Variants in MAGI1 observed in about 807,000 individuals in gnomAD.
MAGI1 encodes membrane-associated guanylate kinase, WW and PDZ domain-containing protein 1.
Under a neutral mutation model 139.9 loss-of-function variants are expected in MAGI1, and 58 were observed. The ratio of observed to expected loss-of-function variants is 0.41; its 90% CI spans 0.34 to 0.52. MAGI1 has a LOEUF of 0.52. Among genes scored for constraint, MAGI1 ranks in the 20% least tolerant of loss-of-function variants. The pLI is 0.12. For synonymous variants in MAGI1, 812 were observed against 737.9 expected (o/e 1.10, Z -1.63); for missense variants, 1,874 against 1,901.6 (o/e 0.99, Z 0.27).
At position 65,363,512 on chromosome 3, in the gene MAGI1, G is replaced by C; in HGVS notation, c.3448C>G (p.Leu1150Val). Residue 1150 changes from leucine (L) to valine (V), a missense_variant, in exon 21 of 23, where the codon CTG becomes GTG. Leu to Val is a conservative substitution (Grantham distance 32, BLOSUM62 1). Coordinates refer to ENST00000402939, the MANE Select transcript of MAGI1 (RefSeq NM_001033057.2). ...GREYNMDLYV[L>V]RLAEDGPAER... ...GCAGGACCGTCCTCTGCTAAGCGCA[G>C]AACATAGAGGTCCATGTTATACTCT... 1.2e-6 allele frequency: 2 copies of C among 1,614,036 alleles called. No individual in the cohort carries two copies. Among genetic ancestry groups the C allele is most frequent in the Non-Finnish European group, 1.7e-6 (2 of 1,179,942 alleles).
At position 65,383,638 on chromosome 3, in the gene MAGI1, G is replaced by GA. The variant is rs1559512173; in HGVS notation, c.2417-16dup. The GA allele has an allele frequency of 2.0e-6, 3 of 1,474,466 alleles. No homozygotes were observed. Among genetic ancestry groups the GA allele is most frequent in the Admixed American group, 1.7e-5 (1 of 59,340 alleles). 91.3% of individuals were successfully genotyped at this position (1,474,466 alleles called of 1,614,324 possible). A position where few individuals can be genotyped will look rare whatever the true frequency, so the allele number is the denominator to read the frequency against. The stretch of plus-strand genomic sequence containing the variant: ...GTAATCTGGAACTGCAGAGAGGGGA[G>GA]AAAAAAGAGAAGGATTATTTTACTG... On this transcript the variant is annotated splice_polypyrimidine_tract_variant and intron_variant, in intron 14 of 22. Coordinates refer to ENST00000402939, the MANE Select transcript of MAGI1 (RefSeq NM_001033057.2).
At chr3:65,683,457 T>TA (rs2087734631) in intron 1 of MAGI1, among the ~76,000 whole-genome samples, 1 of 149,970 alleles carries the variant, frequency 6.7e-6, no homozygotes, top group African/African-American at 2.5e-5. Context: ...AAAACTGCTC[T>TA]AAAAAAATAA....
intron 12 of MAGI1, among the ~76,000 whole-genome samples, chr3:65,406,948 T>C (rs1345783715): frequency 2.0e-5 from 3 of 152,162 alleles, no homozygotes; most frequent in African/African-American, 7.2e-5. Flanking sequence ...AAGATAAAAG[T>C]ACTTCTGAGC....
At chr3:65,947,390 A>C (rs2063588835) in intron 1 of MAGI1, among the ~76,000 whole-genome samples, 1 of 152,216 alleles carries the variant, frequency 6.6e-6, no homozygotes, top group Non-Finnish European at 1.5e-5. Flanking sequence ...AAAATTATAC[A>C]ATCAACCTAA....
chr3:65,434,228 G>T (rs1947672560), intron 10 of MAGI1, among the ~76,000 whole-genome samples: 2 of 152,150 alleles, frequency 1.3e-5, no homozygotes, highest in African/African-American at 4.8e-5. Flanking sequence ...AAGTATAAAT[G>T]GAGGTAATGA....
At chr3:65,796,443 C>T (rs2040155216) in intron 1 of MAGI1, among the ~76,000 whole-genome samples, 1 of 152,098 alleles carries the variant, frequency 6.6e-6, no homozygotes, top group South Asian at 2.1e-4. Context: ...CAAGTACAAA[C>T]AAAATTAACC....
intron 1 of MAGI1, among the ~76,000 whole-genome samples, chr3:65,788,452 T>C (rs1476136664): frequency 6.6e-6 from 1 of 152,216 alleles, no homozygotes. Flanking sequence ...TTATGACCAC[T>C]TTCCCCTATG....
intron 1 of MAGI1, among the ~76,000 whole-genome samples, chr3:65,869,031 G>A (rs2059824823): frequency 6.6e-6 from 1 of 151,968 alleles, no homozygotes; most frequent in Admixed American, 6.6e-5. Context: ...ACTTTGGGAG[G>A]CCGAGGCGGG....
At chr3:66,028,056 G>A (rs1482585675) in intron 1 of MAGI1, among the ~76,000 whole-genome samples, 1 of 152,182 alleles carries the variant, frequency 6.6e-6, no homozygotes, top group African/African-American at 2.4e-5. Context: ...TGTAATCCCA[G>A]CACTTTGGGA....
intron 14 of MAGI1, chr3:65,387,319 G>A: frequency 1.1e-6 from 1 of 884,704 alleles, no homozygotes; most frequent in African/African-American, 1.7e-5. Context: ...GGAACAGTCA[G>A]TTCAGCTTTC....
In MAGI1 at chr3:65,744,871, T is replaced by A. The variant is rs562706295; in HGVS notation, c.314-122783A>T. On this transcript the variant is annotated intron_variant, in intron 1 of 22. Transcript: ENST00000402939. The stretch of plus-strand genomic sequence containing the variant: ...TGTAATTCAGTGGCATTAGTAACAT[T>A]TACAACATTATACAATTATCACTAC... Among the ~76,000 whole-genome samples the A allele has an allele frequency of 1.6e-4, 25 of 152,220 alleles. No homozygotes were observed. In the South Asian group the frequency reaches 4.1e-3, roughly 25 times the overall value.
chr3:65,665,534 T>G (rs1375424271), intron 1 of MAGI1, among the ~76,000 whole-genome samples: 1 of 152,338 alleles, frequency 6.6e-6, no homozygotes, highest in Non-Finnish European at 1.5e-5. Context: ...AACATTAAAG[T>G]GTCATTAAAC....
intron 12 of MAGI1, among the ~76,000 whole-genome samples, chr3:65,426,568 T>C (rs749216554): frequency 1.6e-4 from 24 of 152,134 alleles, no homozygotes; most frequent in Non-Finnish European, 3.1e-4. Context: ...ATAAACTAGA[T>C]TCATTAGAAA....
chr3:65,882,482 T>G (rs2060366074), intron 1 of MAGI1, among the ~76,000 whole-genome samples: 1 of 152,092 alleles, frequency 6.6e-6, no homozygotes, highest in African/African-American at 2.4e-5. Flanking sequence ...TTAAGTTACA[T>G]GTTTTCCCAT....
At chr3:65,981,543 C>A (rs531905406) in intron 1 of MAGI1, among the ~76,000 whole-genome samples, 11 of 152,222 alleles carry the variant, frequency 7.2e-5, no homozygotes, top group African/African-American at 2.4e-4. Context: ...ATATGAGAGA[C>A]TGTATTAGAT....
intron 1 of MAGI1, among the ~76,000 whole-genome samples, chr3:65,666,774 T>C (rs1055283609): frequency 6.6e-6 from 1 of 152,148 alleles, no homozygotes; most frequent in Non-Finnish European, 1.5e-5. Flanking sequence ...GAAAATTCCT[T>C]ACCCTTATTT....
At chr3:65,973,454 A>C (rs1415924429) in intron 1 of MAGI1, among the ~76,000 whole-genome samples, 2 of 152,186 alleles carry the variant, frequency 1.3e-5, no homozygotes, top group African/African-American at 4.8e-5. Context: ...CTCTGATACA[A>C]ATTTGGCCAA....
chr3:65,891,751 AG>A (rs572490814), intron 1 of MAGI1, among the ~76,000 whole-genome samples: 71 of 40,018 alleles, frequency 1.8e-3, no homozygotes, highest in African/African-American at 6.6e-3. Context: ...GGGTGGGGGG[AG>A]GGGGAGGGAT....
chr3:65,642,418 A>T (rs914035737), intron 1 of MAGI1, among the ~76,000 whole-genome samples: 1 of 152,222 alleles, frequency 6.6e-6, no homozygotes, highest in African/African-American at 2.4e-5. Flanking sequence ...GGGAATGAAA[A>T]GCCTTTGAGA....
Sources: gnomAD v4.1 joint callset for allele counts (sites outside exome capture counted in the v4.1 genomes callset) on GRCh38, gnomAD v4.1.1 for gene constraint, MANE v1.5 for transcripts, NCBI Gene and HGNC (gene_info 2026-07-23, HGNC 2026-07-21) for gene names.